CANX: variants seen among roughly 807,000 people sequenced by gnomAD.
CANX encodes epididymis secretory sperm binding protein.
CANX carries 14 observed loss-of-function variants against 75.7 expected under a neutral mutation model. The ratio of observed to expected loss-of-function variants is 0.19; its 90% CI spans 0.12 to 0.29. CANX has a LOEUF of 0.29. Ranked by LOEUF, CANX falls within the 10% of genes least tolerant of loss-of-function variation. The pLI, the probability that CANX is intolerant of heterozygous loss-of-function variation, is 1.00. For synonymous variants in CANX, 227 were observed against 236.9 expected, an observed-to-expected ratio of 0.96 and a Z score of 0.38; for missense variants, 567 against 713.2, an observed-to-expected ratio of 0.79 and a Z score of 2.34.
intron 1 of CANX, among the ~76,000 whole-genome samples, chr5:179,683,908 T>G (rs1176548317): frequency 6.6e-6 from 1 of 152,212 alleles, no homozygotes; most frequent in Non-Finnish European, 1.5e-5. Context: ...GTTGCATTTA[T>G]TAACAGTTCA....
At chr5:179,725,445 G>T (rs1778586969) in intron 13 of CANX, among the ~76,000 whole-genome samples, 1 of 151,954 alleles carries the variant, frequency 6.6e-6, no homozygotes, top group African/African-American at 2.4e-5. Context: ...ACTTTGGGGG[G>T]CCGAAGCAGG....
rs1459009288 is a variant in CANX, at chr5:179,701,906, G to A, written c.-4+2804G>A. Among the ~76,000 whole-genome samples, 25 of 151,394 alleles carry A rather than the reference G, an allele frequency of 1.7e-4. 1 individual carries two copies. Among genetic ancestry groups the A allele is most frequent in the Admixed American group, 1.6e-3 (24 of 15,168 alleles). On this transcript the variant is annotated intron_variant, in intron 1 of 14. Coordinates refer to ENST00000247461, the MANE Select transcript of CANX (RefSeq NM_001746.4). The stretch of plus-strand genomic sequence containing the variant: ...AGGTGCCCACCACCACACCCGGCCC[G>A]GTTTTTTGTATTTTAGTAGAGACGG...
chr5:179,716,286 A>C lies in CANX; in HGVS notation c.903A>C (p.Pro301=). 6.2e-7 allele frequency: 1 copy of C among 1,613,562 alleles called. No homozygotes were observed. The highest frequency in any genetic ancestry group is 8.5e-7 in the Non-Finnish European group (1 of 1,179,622). ...PKIPDPEAVK[P]DDWDEDAPAK... is the part of the protein sequence containing the mutation. ...TCCCAGATCCAGAAGCTGTCAAGCC[A>C]GATGACTGGTGAGTCTTGGGGAACT... is the stretch of plus-strand genomic sequence containing the variant. The change falls in exon 8 of 15, where the codon CCA becomes CCC. Residue 301 remains proline, a synonymous_variant. Transcript: ENST00000247461.
At chr5:179,690,622 T>G (rs1179100181) in intron 1 of CANX, among the ~76,000 whole-genome samples, 1 of 146,798 alleles carries the variant, frequency 6.8e-6, no homozygotes, top group East Asian at 2.0e-4. Flanking sequence ...CTGGGCCCAG[T>G]GGCTCACGCC....
At chr5:179,700,401 T>C (rs1364065638) in intron 1 of CANX, 2 of 152,186 alleles carry the variant, frequency 1.3e-5, no homozygotes, top group African/African-American at 4.8e-5. Flanking sequence ...CCAACATTGT[T>C]TGAGGGTCAT....
intron 7 of CANX, among the ~76,000 whole-genome samples, chr5:179,715,384 A>G (rs576263372): frequency 6.6e-6 from 1 of 152,148 alleles, no homozygotes; most frequent in East Asian, 1.9e-4. Flanking sequence ...AATACAAAAA[A>G]TTAGCTGGGC....
At chr5:179,701,960 C>G (rs747493949) in intron 1 of CANX, among the ~76,000 whole-genome samples, 1 of 151,792 alleles carries the variant, frequency 6.6e-6, no homozygotes, top group African/African-American at 2.4e-5. Flanking sequence ...AGGCTGGTTG[C>G]GAACTCCTGA....
At chr5:179,689,954 G>C (rs1459340226) in intron 1 of CANX, among the ~76,000 whole-genome samples, 1 of 152,158 alleles carries the variant, frequency 6.6e-6, no homozygotes, top group Non-Finnish European at 1.5e-5. Context: ...GAGCCCGTGA[G>C]GAAGGGAAGG....
In CANX at chr5:179,724,692, T is replaced by G; in HGVS notation, c.1554T>G (p.Asp518Glu). 2 of 1,613,364 alleles carry G rather than the reference T, an allele frequency of 1.2e-6. No individual in the cohort carries two copies. The highest frequency in any genetic ancestry group is 1.7e-6 in the Non-Finnish European group (2 of 1,179,596). The change falls in exon 13 of 15, where the codon GAT becomes GAG. Residue 518 changes from aspartate (D) to glutamate (E), a missense_variant. Physicochemically the swap from Asp to Glu is conservative, Grantham distance 45 (BLOSUM62 2). Coordinates refer to ENST00000247461, the MANE Select transcript of CANX (RefSeq NM_001746.4). ...GTGGTATGGAGTATAAGAAAACTGA[T>G]GCACCTCAACCGGATGTGAAGGAAG... ...QTSGMEYKKT[D>E]APQPDVKEEE...
upstream of CANX, chr5:179,698,300 A>C: frequency 3.5e-6 from 2 of 579,010 alleles, no homozygotes; most frequent in Non-Finnish European, 2.3e-6. Context: ...AAGTTCAAAT[A>C]ACCTCGGATT....
chr5:179,717,074 C>T (rs1778005543), intron 8 of CANX, among the ~76,000 whole-genome samples: 1 of 152,154 alleles, frequency 6.6e-6, no homozygotes, highest in African/African-American at 2.4e-5. Flanking sequence ...TTGTATATGG[C>T]TGTCTTTGAA....
rs778647017 is a variant in CANX, at chr5:179,708,334, A to G, written c.400A>G (p.Lys134Glu). The G allele has an allele frequency of 1.9e-6, 3 of 1,614,086 alleles. No individual in the cohort carries two copies. The African/African-American group carries it at 4.0e-5, about 22-fold the overall frequency. Residue 134 changes from lysine to glutamate, a missense_variant, in exon 5 of 15, where the codon AAA becomes GAA. Physicochemically the swap from Lys to Glu is moderately conservative, Grantham distance 56 (BLOSUM62 1). This residue lies in a region of CANX where 351 missense variants were observed against 433.8 expected (regional missense o/e 0.81). Coordinates refer to ENST00000247461, the MANE Select transcript of CANX (RefSeq NM_001746.4). ...SRAKHHAISA[K>E]LNKPFLFDTK... ...GGCCAAGCATCATGCCATCTCTGCTAAACTGAACAAGCCCTTCCTGTTTGA... is the reference window on the plus strand; with the variant it reads ...GGCCAAGCATCATGCCATCTCTGCTGAACTGAACAAGCCCTTCCTGTTTGA...
At chr5:179,681,232 T>C (rs546607321) in intron 1 of CANX, among the ~76,000 whole-genome samples, 4 of 152,158 alleles carry the variant, frequency 2.6e-5, no homozygotes, top group Non-Finnish European at 5.9e-5. Context: ...GAAGAACATA[T>C]TCCCTCACTG....
intron 5 of CANX, among the ~76,000 whole-genome samples, chr5:179,708,637 A>C (rs764600222): frequency 6.7e-6 from 1 of 150,266 alleles, no homozygotes; most frequent in East Asian, 2.0e-4. Context: ...CTGCATTAAT[A>C]GTTTTTGTAA....
chr5:179,698,845 C>A (rs1233139375), upstream of CANX: 9 of 960,402 alleles, frequency 9.4e-6, no homozygotes, highest in Non-Finnish European at 1.2e-5. Flanking sequence ...GCGATGCCCA[C>A]GCCGGCCAAC....
chr5:179,700,753 T>A (rs1315191410), intron 1 of CANX: 6 of 153,286 alleles, frequency 3.9e-5, no homozygotes, highest in Non-Finnish European at 8.8e-5. Context: ...TATTGCATCC[T>A]TTTAGTTAGA....
At chr5:179,686,854 T>A (rs764431705) in intron 1 of CANX, among the ~76,000 whole-genome samples, 7 of 152,180 alleles carry the variant, frequency 4.6e-5, no homozygotes, top group Non-Finnish European at 8.8e-5. Context: ...CTCGGCCCAC[T>A]GCAACTTCCG....
rs1327165660 is a variant in CANX, at chr5:179,729,014, C to G, written c.*370C>G. The G allele has an allele frequency of 3.8e-6, 1 of 266,538 alleles. No homozygotes were observed. Among genetic ancestry groups the G allele is most frequent in the Non-Finnish European group, 7.4e-6 (1 of 135,330 alleles). 16.5% of individuals were successfully genotyped at this position (266,538 alleles called of 1,614,324 possible). Reference sequence around the variant, plus strand: ...TTAATCTGTTTGTGCAAACATAATACCACCATTTAAAAATGTTAGGGAGAT... The same window carrying G: ...TTAATCTGTTTGTGCAAACATAATAGCACCATTTAAAAATGTTAGGGAGAT... On this transcript the variant is annotated 3_prime_UTR_variant, in exon 15 of 15. Transcript: ENST00000247461.
At chr5:179,682,820 TGTG>T (rs972998665) in intron 1 of CANX, among the ~76,000 whole-genome samples, 1 of 151,778 alleles carries the variant, frequency 6.6e-6, no homozygotes, top group Non-Finnish European at 1.5e-5. Flanking sequence ...GTAATTTAGA[TGTG>T]GTGCTCGGTG....
Sources: gnomAD v4.1 joint callset for allele counts (sites outside exome capture counted in the v4.1 genomes callset) on GRCh38, gnomAD v4.1.1 for gene constraint, gnomAD v4.1.1 regional missense constraint, MANE v1.5 for transcripts, NCBI Gene and HGNC (gene_info 2026-07-23, HGNC 2026-07-21) for gene names.